Variants in PCSK6 observed in about 807,000 individuals in gnomAD.
PCSK6 encodes paired basic amino acid cleaving enzyme 4.
Under a neutral mutation model 123.3 loss-of-function variants are expected in PCSK6, and 85 were observed. The ratio of observed to expected loss-of-function variants is 0.69; its 90% CI spans 0.58 to 0.83. The LOEUF (loss-of-function observed/expected upper bound fraction) is 0.83, where lower values mean the gene tolerates loss of function less well. Among genes scored for constraint, PCSK6 ranks in the 40% least tolerant of loss-of-function variants. The pLI, the probability that PCSK6 is intolerant of heterozygous loss-of-function variation, is 0.00. For synonymous variants in PCSK6, 508 were observed against 516.0 expected, an observed-to-expected ratio of 0.98 and a Z score of 0.21; for missense variants, 1,191 against 1,282.3, an observed-to-expected ratio of 0.93 and a Z score of 1.09.
chr15:101,406,406 T>C (rs2042783673), intron 6 of PCSK6, among the ~76,000 whole-genome samples: 1 of 152,262 alleles, frequency 6.6e-6, no homozygotes, highest in Non-Finnish European at 1.5e-5. Flanking sequence ...AAAATTAGAC[T>C]GTCGCTTCCT....
intron 11 of PCSK6, among the ~76,000 whole-genome samples, chr15:101,374,630 G>C (rs2041681084): frequency 6.6e-6 from 1 of 152,240 alleles, no homozygotes; most frequent in Non-Finnish European, 1.5e-5. Flanking sequence ...CTGGCTTGGG[G>C]AGGAGAGGCT....
At chr15:101,351,354 T>C (rs556426354) in intron 13 of PCSK6, among the ~76,000 whole-genome samples, 14 of 152,384 alleles carry the variant, frequency 9.2e-5, no homozygotes, top group African/African-American at 3.1e-4. Context: ...AGAGATATTC[T>C]TTCAGTATTT....
intron 2 of PCSK6, among the ~76,000 whole-genome samples, chr15:101,442,834 C>G (rs11854179): frequency 0.23 from 34,655 of 152,102 alleles, 3,996 homozygotes; most frequent in Admixed American, 0.25. Context: ...TGTGACATAT[C>G]ACATATTTTT....
intron 13 of PCSK6, among the ~76,000 whole-genome samples, chr15:101,360,765 C>T (rs2041198772): frequency 6.6e-6 from 1 of 152,172 alleles, no homozygotes; most frequent in Non-Finnish European, 1.5e-5. Flanking sequence ...TGCCCTTTTC[C>T]CAGATGTCTG....
intron 1 of PCSK6, among the ~76,000 whole-genome samples, chr15:101,480,661 C>T (rs1415872288): frequency 2.6e-5 from 4 of 152,208 alleles, no homozygotes; most frequent in Non-Finnish European, 5.9e-5. Context: ...ATGATGGGAC[C>T]CGCAGGGTGT....
chr15:101,451,191 C>T (rs1187735896), intron 1 of PCSK6, among the ~76,000 whole-genome samples: 1 of 151,840 alleles, frequency 6.6e-6, no homozygotes, highest in Non-Finnish European at 1.5e-5. Context: ...TTTTGAAGAT[C>T]CTGAGGAATG....
At chr15:101,351,051 T>C (rs535255847) in intron 13 of PCSK6, among the ~76,000 whole-genome samples, 5 of 152,252 alleles carry the variant, frequency 3.3e-5, no homozygotes, top group Non-Finnish European at 4.4e-5. Flanking sequence ...TCATTATCTG[T>C]GCTTCAGGGT....
At chr15:101,315,911 G>C (rs1216616818) in intron 19 of PCSK6, among the ~76,000 whole-genome samples, 3 of 152,258 alleles carry the variant, frequency 2.0e-5, no homozygotes, top group Non-Finnish European at 4.4e-5. Context: ...TCTCGATCGA[G>C]TTGCCTGCCA....
chr15:101,457,789 G>A (rs537604812), intron 1 of PCSK6, among the ~76,000 whole-genome samples: 3 of 152,310 alleles, frequency 2.0e-5, no homozygotes, highest in East Asian at 3.9e-4. Flanking sequence ...AATACCATTC[G>A]TGTCTGGCAA....
At chr15:101,413,735 G>A (rs529633209) in intron 6 of PCSK6, among the ~76,000 whole-genome samples, 2 of 152,174 alleles carry the variant, frequency 1.3e-5, no homozygotes, top group South Asian at 2.1e-4. Context: ...CCAAGATGAC[G>A]GATACCCCAA....
At chr15:101,374,872 G>C (rs739319) in intron 11 of PCSK6, among the ~76,000 whole-genome samples, 48,582 of 152,050 alleles carry the variant, frequency 0.32, 8,103 homozygotes, top group Admixed American at 0.43. Flanking sequence ...ACTGTCGTTA[G>C]GCTCTGAGGT....
chr15:101,314,994 G>A (rs1054564268), intron 19 of PCSK6, among the ~76,000 whole-genome samples: 1 of 152,192 alleles, frequency 6.6e-6, no homozygotes. Context: ...GGGTTTGGGA[G>A]CTGTTCAGGG....
intron 16 of PCSK6, among the ~76,000 whole-genome samples, chr15:101,325,995 T>A (rs1466175514): frequency 6.6e-6 from 1 of 152,100 alleles, no homozygotes; most frequent in African/African-American, 2.4e-5. Flanking sequence ...CTTCAGCCTG[T>A]CCAAGAGCCA....
chr15:101,341,038 C>G (rs11852678), intron 13 of PCSK6, among the ~76,000 whole-genome samples: 1 of 147,508 alleles, frequency 6.8e-6, no homozygotes, highest in Admixed American at 6.8e-5. Context: ...CAGGATCAAG[C>G]GATTCTCCTG....
intron 11 of PCSK6, among the ~76,000 whole-genome samples, chr15:101,372,697 C>T (rs983322920): frequency 2.6e-5 from 4 of 152,088 alleles, no homozygotes; most frequent in Admixed American, 6.6e-5. Context: ...GACGGAGAAA[C>T]GTCTATGCCG....
intron 11 of PCSK6, among the ~76,000 whole-genome samples, chr15:101,373,266 C>T (rs2041637928): frequency 6.6e-6 from 1 of 152,202 alleles, no homozygotes; most frequent in Non-Finnish European, 1.5e-5. Context: ...AGTTAATGGC[C>T]TCACTTCGTT....
chr15:101,394,327 GA>G (rs2042337296), intron 7 of PCSK6, among the ~76,000 whole-genome samples: 1 of 152,130 alleles, frequency 6.6e-6, no homozygotes, highest in African/African-American at 2.4e-5. Context: ...GTCTTTGAAA[GA>G]CAGCAGCCAG....
At chr15:101,477,256 TG>T (rs1482019318) in intron 1 of PCSK6, among the ~76,000 whole-genome samples, 1 of 150,040 alleles carries the variant, frequency 6.7e-6, no homozygotes, top group Non-Finnish European at 1.5e-5. Flanking sequence ...TGTGTGTGTG[TG>T]TCTGTGTGTC....
At chr15:101,347,281 T>G (rs1351839644) in intron 13 of PCSK6, 3 of 1,232,214 alleles carry the variant, frequency 2.4e-6, no homozygotes, top group Non-Finnish European at 3.0e-6. Flanking sequence ...AAATGAAGAT[T>G]AGCTCAAAAG....
Sources: allele counts gnomAD v4.1 joint callset (sites outside exome capture counted in the v4.1 genomes callset), GRCh38; gene constraint gnomAD v4.1.1; transcripts MANE v1.5; gene names NCBI Gene and HGNC (gene_info 2026-07-23, HGNC 2026-07-21).